Variants in ACTR3C observed in about 807,000 individuals in gnomAD.
ACTR3C encodes actin related protein 3C.
Under a neutral mutation model 26.3 loss-of-function variants are expected in ACTR3C, and 18 were observed. The ratio of observed to expected loss-of-function variants is 0.68; its 90% CI spans 0.47 to 1.01. The LOEUF is 1.01. Among genes scored for constraint, ACTR3C ranks in the 50% least tolerant of loss-of-function variants. The pLI is 0.00. For synonymous variants in ACTR3C, 55 were observed against 94.5 expected, an observed-to-expected ratio of 0.58 and a Z score of 2.42; for missense variants, 184 against 250.7, an observed-to-expected ratio of 0.73 and a Z score of 1.80.
chr7:150,091,925 T>G, the ACTR3C span, among the ~76,000 whole-genome samples: 2 of 123,544 alleles, frequency 1.6e-5, no homozygotes, highest in Admixed American at 1.1e-4. Flanking sequence ...GAGGCGGAGC[T>G]TGCAGTGAGC....
the ACTR3C span, among the ~76,000 whole-genome samples, chr7:150,138,312 G>A: frequency 6.6e-6 from 1 of 152,194 alleles, no homozygotes; most frequent in South Asian, 2.1e-4. Flanking sequence ...AGAAGGCAAG[G>A]AAGGCTATTA....
chr7:150,229,009 A>G, the ACTR3C span, among the ~76,000 whole-genome samples: 1 of 152,022 alleles, frequency 6.6e-6, no homozygotes, highest in Non-Finnish European at 1.5e-5. Context: ...CTATATATAC[A>G]TGACTGTGTA....
the ACTR3C span, among the ~76,000 whole-genome samples, chr7:150,193,062 A>G: frequency 6.6e-6 from 1 of 152,174 alleles, no homozygotes; most frequent in Non-Finnish European, 1.5e-5. Context: ...GACTTGTAGC[A>G]GACTTTGGAA....
At chr7:150,139,475 AGGG>A in the ACTR3C span, among the ~76,000 whole-genome samples, 3 of 152,396 alleles carry the variant, frequency 2.0e-5, no homozygotes, top group South Asian at 6.2e-4. Flanking sequence ...CCACCTGGCT[AGGG>A]AGTTCCTGCC....
the ACTR3C span, among the ~76,000 whole-genome samples, chr7:150,028,427 C>G: frequency 6.6e-6 from 1 of 152,288 alleles, no homozygotes; most frequent in South Asian, 2.1e-4. Flanking sequence ...TGTAATTTGA[C>G]AATTCTCATA....
intron 3 of ACTR3C, 134 bp downstream of exon 3, chr7:150,293,178 T>C: frequency 6.6e-7 from 1 of 1,505,984 alleles, no homozygotes; most frequent in East Asian, 2.3e-5. Flanking sequence ...AAACTTTTAT[T>C]ATCTTTCTAA....
the ACTR3C span, among the ~76,000 whole-genome samples, chr7:149,994,286 G>C: frequency 6.6e-6 from 1 of 152,172 alleles, no homozygotes; most frequent in Non-Finnish European, 1.5e-5. Context: ...GGCTGAATGA[G>C]GGGTCCCCAC....
the ACTR3C span, among the ~76,000 whole-genome samples, chr7:150,058,633 G>A: frequency 2.6e-5 from 4 of 152,118 alleles, no homozygotes; most frequent in African/African-American, 9.7e-5. Context: ...ACTATGAGAA[G>A]AGGCCAGGCG....
chr7:149,902,540 G>A, the ACTR3C span, among the ~76,000 whole-genome samples: 1 of 110,506 alleles, frequency 9.0e-6, no homozygotes, highest in Non-Finnish European at 2.0e-5. Flanking sequence ...AGGATCACTT[G>A]AGGCCAGGAG....
chr7:150,167,722 C>A, the ACTR3C span, among the ~76,000 whole-genome samples: 2 of 150,458 alleles, frequency 1.3e-5, no homozygotes, highest in Non-Finnish European at 2.9e-5. Context: ...ATGGTGTGTG[C>A]ATGGAGGCGG....
At chr7:149,955,170 C>G in the ACTR3C span, among the ~76,000 whole-genome samples, 1 of 152,228 alleles carries the variant, frequency 6.6e-6, no homozygotes, top group South Asian at 2.1e-4. Flanking sequence ...CTAGGTAAAA[C>G]TGTAACTGCT....
chr7:150,137,359 C>T, the ACTR3C span, among the ~76,000 whole-genome samples: 17 of 152,212 alleles, frequency 1.1e-4, no homozygotes, highest in South Asian at 2.1e-3. Flanking sequence ...AGGAGCAAGA[C>T]GAGGGAGAAA....
the ACTR3C span, among the ~76,000 whole-genome samples, chr7:150,144,896 A>C: frequency 3.7e-4 from 56 of 151,990 alleles, no homozygotes; most frequent in African/African-American, 1.4e-3. This position sits in a 1 kb window ranked among gnomAD's most constrained non-coding sequence, Gnocchi z 4.6. Context: ...AAAAATACAA[A>C]AAAATTAGCT....
At chr7:150,029,342 T>G in the ACTR3C span, among the ~76,000 whole-genome samples, 1,540 of 149,892 alleles carry the variant, frequency 0.01, 6 homozygotes, top group East Asian at 0.028. Context: ...GGAGGACTGC[T>G]TGAGCCCAGG....
intron 6 of ACTR3C, among the ~76,000 whole-genome samples, chr7:150,254,780 T>C (rs1833091524): frequency 6.6e-6 from 1 of 152,226 alleles, no homozygotes; most frequent in Non-Finnish European, 1.5e-5. Context: ...CTGTCTTCCA[T>C]GGCAGTGCTC....
the ACTR3C span, among the ~76,000 whole-genome samples, chr7:150,015,231 T>A: frequency 6.6e-6 from 1 of 152,150 alleles, no homozygotes; most frequent in Non-Finnish European, 1.5e-5. Context: ...GCTGTCCCTG[T>A]GCTGCTGTGT....
the ACTR3C span, among the ~76,000 whole-genome samples, chr7:149,902,239 T>C: frequency 1.3e-5 from 2 of 151,804 alleles, no homozygotes; most frequent in Admixed American, 6.6e-5. Context: ...AAACAATTCC[T>C]ATCTTATGCA....
At chr7:149,972,207 G>A in the ACTR3C span, among the ~76,000 whole-genome samples, 1 of 152,122 alleles carries the variant, frequency 6.6e-6, no homozygotes, top group Non-Finnish European at 1.5e-5. Context: ...AGAAAATGGC[G>A]TCCATATTCA....
the ACTR3C span, among the ~76,000 whole-genome samples, chr7:150,161,065 G>A: frequency 6.6e-6 from 1 of 150,728 alleles, no homozygotes; most frequent in Non-Finnish European, 1.5e-5. Context: ...GGCAGGGAGG[G>A]TTCATTTCTC....
Sources: allele counts gnomAD v4.1 joint callset (sites outside exome capture counted in the v4.1 genomes callset), GRCh38; gene constraint gnomAD v4.1.1; non-coding constraint Gnocchi (gnomAD v3.1); transcripts MANE v1.5; gene names NCBI Gene and HGNC (gene_info 2026-07-23, HGNC 2026-07-21).